PITPNC1: variants seen among roughly 807,000 people sequenced by gnomAD.
The protein encoded by PITPNC1 is cytoplasmic phosphatidylinositol transfer protein 1.
PITPNC1 carries 18 observed loss-of-function variants against 44.7 expected under a neutral mutation model. The observed-to-expected ratio is 0.40, with a 90% CI of 0.28 to 0.60. The LOEUF is 0.60. PITPNC1 is among the 20% of genes least tolerant of loss of function. The pLI is 0.39. For missense variants in PITPNC1, 290 were observed against 418.4 expected (o/e 0.69, Z 2.68); for synonymous variants, 141 against 149.6 (o/e 0.94, Z 0.42).
intron 1 of PITPNC1, among the ~76,000 whole-genome samples, chr17:67,480,792 G>C (rs760214675): frequency 6.6e-6 from 1 of 152,160 alleles, no homozygotes; most frequent in Non-Finnish European, 1.5e-5. Context: ...CTTATGTTAT[G>C]AATCTCAGTT....
intron 6 of PITPNC1, among the ~76,000 whole-genome samples, chr17:67,646,574 G>C (rs1050335834): frequency 6.6e-6 from 1 of 152,160 alleles, no homozygotes; most frequent in Admixed American, 6.5e-5. Context: ...CCAAGCTGGA[G>C]TGCAGTGATG....
chr17:67,575,777 CTTT>C (rs2041132992), intron 4 of PITPNC1, among the ~76,000 whole-genome samples: 1 of 21,462 alleles, frequency 4.7e-5, no homozygotes, highest in Non-Finnish European at 1.4e-4. Context: ...TTCTTTCTTT[CTTT>C]CTTTTCTTTC....
At chr17:67,465,912 A>G (rs2039419685) in intron 1 of PITPNC1, among the ~76,000 whole-genome samples, 1 of 151,844 alleles carries the variant, frequency 6.6e-6, no homozygotes, top group African/African-American at 2.4e-5. Flanking sequence ...GGCGGGGGTA[A>G]ATCTAAACTT....
chr17:67,627,924 T>A (rs2041915149), intron 5 of PITPNC1, among the ~76,000 whole-genome samples: 1 of 150,634 alleles, frequency 6.6e-6, no homozygotes, highest in South Asian at 2.1e-4. Flanking sequence ...CTTCTTCTTC[T>A]TTTTTGTTTT....
At chr17:67,469,459 A>G (rs749682044) in intron 1 of PITPNC1, among the ~76,000 whole-genome samples, 4 of 152,168 alleles carry the variant, frequency 2.6e-5, no homozygotes, top group Non-Finnish European at 4.4e-5. Context: ...CTGTGTTTTA[A>G]CAAGATCCCC....
chr17:67,596,455 C>T (rs528346282), intron 5 of PITPNC1, among the ~76,000 whole-genome samples: 10 of 152,136 alleles, frequency 6.6e-5, no homozygotes, highest in East Asian at 3.9e-4. Context: ...TAAGAGTTTA[C>T]GTAACTGCAT....
intron 1 of PITPNC1, among the ~76,000 whole-genome samples, chr17:67,464,569 C>T (rs973641298): frequency 4.6e-5 from 7 of 152,078 alleles, no homozygotes; most frequent in African/African-American, 1.4e-4. Flanking sequence ...GAACTCACCC[C>T]GTAAAAATCT....
At chr17:67,599,032 A>G (rs1197732300) in intron 5 of PITPNC1, among the ~76,000 whole-genome samples, 12 of 29,302 alleles carry the variant, frequency 4.1e-4, no homozygotes, top group African/African-American at 1.9e-3. Context: ...ATATATATAT[A>G]TATTTTTTTT....
At chr17:67,568,917 G>A (rs1672710143) in intron 4 of PITPNC1, among the ~76,000 whole-genome samples, 1 of 152,150 alleles carries the variant, frequency 6.6e-6, no homozygotes, top group Non-Finnish European at 1.5e-5. Context: ...CACAGGCTAG[G>A]TGCTGTGGAA....
chr17:67,396,207 C>G (rs2038217710), intron 1 of PITPNC1, among the ~76,000 whole-genome samples: 1 of 152,022 alleles, frequency 6.6e-6, no homozygotes, highest in Non-Finnish European at 1.5e-5. Flanking sequence ...TGGAATAATC[C>G]CCTTAAGCCT....
intron 4 of PITPNC1, among the ~76,000 whole-genome samples, chr17:67,573,908 C>T (rs572044494): frequency 3.3e-5 from 5 of 152,126 alleles, no homozygotes; most frequent in Admixed American, 6.5e-5. Flanking sequence ...GAAAGAGATA[C>T]GGAATTGATT....
At chr17:67,442,203 GCATATATA>G (rs1359901940) in intron 1 of PITPNC1, among the ~76,000 whole-genome samples, 5 of 37,774 alleles carry the variant, frequency 1.3e-4, no homozygotes, top group South Asian at 2.4e-3. Flanking sequence ...GGGAAAATAA[GCATATATA>G]TATATATATA....
At chr17:67,509,562 ATAAATAAAT>A (rs977575215) in intron 1 of PITPNC1, among the ~76,000 whole-genome samples, 12 of 126,094 alleles carry the variant, frequency 9.5e-5, no homozygotes, top group African/African-American at 4.0e-4. Context: ...TGAATTAAAA[ATAAATAAAT>A]AAATAAATAA....
intron 7 of PITPNC1, among the ~76,000 whole-genome samples, chr17:67,672,445 A>G (rs2042531103): frequency 6.6e-6 from 1 of 151,828 alleles, no homozygotes; most frequent in Non-Finnish European, 1.5e-5. Context: ...CTAAAAATAC[A>G]AAAATTAGCT....
intron 2 of PITPNC1, among the ~76,000 whole-genome samples, chr17:67,536,149 T>A (rs2040523969): frequency 6.6e-6 from 1 of 152,172 alleles, no homozygotes; most frequent in Non-Finnish European, 1.5e-5. Context: ...TTAAAAACAG[T>A]AATAATAAGA....
chr17:67,420,353 TTC>T (rs1435408648), intron 1 of PITPNC1, among the ~76,000 whole-genome samples: 23 of 118,798 alleles, frequency 1.9e-4, no homozygotes, highest in Admixed American at 1.2e-3. Flanking sequence ...CTCTCTCTCT[TTC>T]TCTCTCTCCT....
chr17:67,550,930 T>A (rs1962135), intron 2 of PITPNC1, among the ~76,000 whole-genome samples: 12 of 151,874 alleles, frequency 7.9e-5, no homozygotes, highest in African/African-American at 2.9e-4. Flanking sequence ...GCGTGGTGGC[T>A]GGCGCCTGTA....
At chr17:67,477,451 G>A in intron 1 of PITPNC1, among the ~76,000 whole-genome samples, 1 of 152,056 alleles carries the variant, frequency 6.6e-6, no homozygotes, top group Admixed American at 6.6e-5. Flanking sequence ...CACTATGTTG[G>A]TTAAACTGGT....
rs989041288 is a variant in PITPNC1 at position 67,662,780 on chromosome 17, T to A, written c.463-6728T>A. ...TCAGTACTTCATTTCTTCTTTTTTTTAAATTTCAACTTTTAGATACAGGGG... is the reference window on the plus strand; with the variant it reads ...TCAGTACTTCATTTCTTCTTTTTTTAAAATTTCAACTTTTAGATACAGGGG... On this transcript the variant is annotated intron_variant, in intron 6 of 8. Coordinates refer to ENST00000581322, the MANE Select transcript of PITPNC1 (RefSeq NM_012417.4). 7.9e-5 allele frequency among the ~76,000 whole-genome samples: 12 copies of A among 152,330 alleles called. No individual in the cohort carries two copies. The East Asian group carries it at 1.7e-3, about 22-fold the overall frequency.
Sources: gnomAD v4.1 joint callset for allele counts (sites outside exome capture counted in the v4.1 genomes callset) on GRCh38, gnomAD v4.1.1 for gene constraint, MANE v1.5 for transcripts, NCBI Gene and HGNC (gene_info 2026-07-23, HGNC 2026-07-21) for gene names.